TXNDC9: variants seen among roughly 807,000 people sequenced by gnomAD.
The protein encoded by TXNDC9 is thioredoxin domain-containing protein 9.
In TXNDC9, 7 loss-of-function variants were observed where a neutral mutation model predicts 23.0. That is an observed-to-expected ratio of 0.30 (90% confidence interval 0.17 to 0.57). The LOEUF is 0.57. Among genes scored for constraint, TXNDC9 ranks in the 20% least tolerant of loss-of-function variants. The pLI is 0.90. For synonymous variants in TXNDC9, 72 were observed against 90.6 expected, an observed-to-expected ratio of 0.79 and a Z score of 1.17; for missense variants, 198 against 252.6, an observed-to-expected ratio of 0.78 and a Z score of 1.47.
chr2:99,311,297 C>CT, the TXNDC9 span, among the ~76,000 whole-genome samples: 14 of 151,174 alleles, frequency 9.3e-5, no homozygotes, highest in Non-Finnish European at 2.1e-4. Flanking sequence ...CCCCTGCCTC[C>CT]TTTTTTTTGA....
chr2:99,332,709 G>A lies in TXNDC9; in HGVS notation c.189+313C>T, dbSNP rs556030142. On this transcript the variant is annotated intron_variant, in intron 2 of 4. Coordinates refer to ENST00000264255, the MANE Select transcript of TXNDC9 (RefSeq NM_005783.4). ...CGTTTGCTTTGAAAATAGCTAAATC[G>A]GCTTTAATATTACCTGAAATGGAAA... The A allele has an allele frequency of 2.5e-5, 6 of 243,566 alleles. No individual in the cohort carries two copies. The South Asian group carries it at 5.3e-4, about 22-fold the overall frequency. The allele number at this position is 243,566 out of a possible 1,614,324, so 15.1% of individuals were successfully genotyped here. A position where few individuals can be genotyped will look rare whatever the true frequency, so the allele number is the denominator to read the frequency against.
chr2:99,319,851 T>A, intron 4 of TXNDC9, 52 bp from the exon 5 acceptor site: 1 of 1,063,552 alleles, frequency 9.4e-7, no homozygotes, highest in South Asian at 1.5e-5. Flanking sequence ...ACTAGTATAC[T>A]AAACTGCACA....
rs537118889 is a variant in TXNDC9 at position 99,323,225 on chromosome 2, G to A, written c.309-1016C>T. Among the ~76,000 whole-genome samples the A allele has an allele frequency of 5.3e-5, 8 of 151,872 alleles. No individual in the cohort carries two copies. The South Asian group carries it at 1.0e-3, about 20-fold the overall frequency. On this transcript the variant is annotated intron_variant, in intron 3 of 4. Transcript: ENST00000264255. ...AGTTTGAGACCAGCTTAGCCAACAC[G>A]GTGAAACCCTGTCTCTACTAAAAAT...
chr2:99,318,032 A>G (rs1044565298), downstream of TXNDC9, among the ~76,000 whole-genome samples: 6 of 152,150 alleles, frequency 3.9e-5, no homozygotes, highest in African/African-American at 1.4e-4. Flanking sequence ...CTGGAATTAC[A>G]GGCACGTGCC....
At chr2:99,332,963 T>C (rs750222802) in intron 2 of TXNDC9, 59 bp downstream of exon 2, 4 of 1,335,102 alleles carry the variant, frequency 3.0e-6, no homozygotes, top group Non-Finnish European at 3.2e-6. Flanking sequence ...CACATGTATA[T>C]ATAAGTTGTT....
the TXNDC9 span, among the ~76,000 whole-genome samples, chr2:99,307,034 C>T: frequency 2.8e-5 from 3 of 105,702 alleles, no homozygotes; most frequent in Admixed American, 1.1e-4. Flanking sequence ...TTCCTTCTTC[C>T]TTTTCTTTCT....
chr2:99,319,524 C>T lies in TXNDC9; in HGVS notation c.*158G>A. 1.8e-6 allele frequency: 1 copy of T among 540,956 alleles called. No homozygotes were observed. The highest frequency in any genetic ancestry group is 3.2e-6 in the Non-Finnish European group (1 of 311,228). The allele number at this position is 540,956 out of a possible 1,614,324, so 33.5% of individuals were successfully genotyped here. ...CCTCAACTTAAACATGATGGCCACA[C>T]AGAAAACAGTAAAGACACTTTTCGA... On this transcript the variant is annotated 3_prime_UTR_variant, in exon 5 of 5. Coordinates refer to ENST00000264255, the MANE Select transcript of TXNDC9 (RefSeq NM_005783.4).
At position 99,321,986 on chromosome 2, in the gene TXNDC9, T is replaced by A; in HGVS notation, c.532A>T (p.Arg178Trp). ...DDFTTETLEW[R>W]LGSSDILNYS... is the part of the protein sequence containing the mutation. ...TTAAGAATGTCAGAAGAACCGAGCC[T>A]CCATTCTAAAGTTTCTGTGGTGAAG... is the stretch of plus-strand genomic sequence containing the variant. Residue 178 changes from arginine to tryptophan, a missense_variant, in exon 4 of 5, where the codon AGG becomes TGG. Arg to Trp is a moderately radical substitution (Grantham distance 101). Coordinates refer to ENST00000264255, the MANE Select transcript of TXNDC9 (RefSeq NM_005783.4). 1 of 1,612,608 alleles carries A rather than the reference T, an allele frequency of 6.2e-7. No individual in the cohort carries two copies. The highest frequency in any genetic ancestry group is 8.5e-7 in the Non-Finnish European group (1 of 1,179,360).
At chr2:99,320,220 C>A (rs1008399971) in intron 4 of TXNDC9, among the ~76,000 whole-genome samples, 2 of 152,306 alleles carry the variant, frequency 1.3e-5, no homozygotes, top group Middle Eastern at 6.8e-3. Flanking sequence ...ATTGCCCAGG[C>A]TTGTCTTGAA....
At chr2:99,332,602 C>G (rs1404549426) in intron 2 of TXNDC9, among the ~76,000 whole-genome samples, 1 of 152,128 alleles carries the variant, frequency 6.6e-6, no homozygotes, top group Non-Finnish European at 1.5e-5. Flanking sequence ...GAATATGCCA[C>G]ATAATTATTT....
At chr2:99,312,513 AG>A in the TXNDC9 span, among the ~76,000 whole-genome samples, 1 of 151,718 alleles carries the variant, frequency 6.6e-6, no homozygotes, top group Non-Finnish European at 1.5e-5. Context: ...AAAAAAAAAA[AG>A]AAAGAAAATA....
At chr2:99,308,577 ATGTG>A in the TXNDC9 span, among the ~76,000 whole-genome samples, 1 of 149,912 alleles carries the variant, frequency 6.7e-6, no homozygotes, top group African/African-American at 2.4e-5. Context: ...CTGTACATGC[ATGTG>A]TGTGTGTGTG....
At chr2:99,323,714 C>T (rs774783552) in intron 3 of TXNDC9, among the ~76,000 whole-genome samples, 18 of 152,220 alleles carry the variant, frequency 1.2e-4, no homozygotes, top group African/African-American at 3.9e-4. Flanking sequence ...CCAGGCTAGG[C>T]GACAGAGTAA....
downstream of TXNDC9, among the ~76,000 whole-genome samples, chr2:99,318,743 T>G (rs2094195126): frequency 6.6e-6 from 1 of 152,180 alleles, no homozygotes; most frequent in African/African-American, 2.4e-5. Flanking sequence ...ATTCCTGGGT[T>G]AGAGTTTCTG....
intron 4 of TXNDC9, among the ~76,000 whole-genome samples, 191 bp from the exon 5 acceptor site, chr2:99,319,990 G>C (rs1169715890): frequency 1.3e-5 from 2 of 152,046 alleles, no homozygotes; most frequent in Non-Finnish European, 2.9e-5. Flanking sequence ...GTGTCCTACT[G>C]AATGTTTTAG....
At position 99,319,846 on chromosome 2, in the gene TXNDC9, T is replaced by A. The variant is rs774258293; in HGVS notation, c.564-47A>T. The A allele has an allele frequency of 2.7e-6, 3 of 1,130,168 alleles. No homozygotes were observed. The African/African-American group carries it at 4.8e-5, about 18-fold the overall frequency. 70.0% of individuals were successfully genotyped at this position (1,130,168 alleles called of 1,614,324 possible). A position where few individuals can be genotyped will look rare whatever the true frequency, so the allele number is the denominator to read the frequency against. On this transcript the variant is annotated intron_variant, in intron 4 of 4. Transcript: ENST00000264255. ...TTTATTCTTTATGATTTAGTACTAGTATACTAAACTGCACAAAAATCTATC... is the reference window on the plus strand; with the variant it reads ...TTTATTCTTTATGATTTAGTACTAGAATACTAAACTGCACAAAAATCTATC...
At chr2:99,316,742 G>A (rs1461657298), downstream of TXNDC9, among the ~76,000 whole-genome samples, 3 of 151,510 alleles carry the variant, frequency 2.0e-5, no homozygotes, top group African/African-American at 4.9e-5. Context: ...TTTCTATTTG[G>A]CCCTTTTATT....
intron 1 of TXNDC9, among the ~76,000 whole-genome samples, chr2:99,334,160 G>A (rs1263024756): frequency 6.6e-6 from 1 of 152,140 alleles, no homozygotes; most frequent in East Asian, 1.9e-4. Flanking sequence ...AGACCAGCCT[G>A]GGAAACATGA....
rs148978790 is a variant in TXNDC9 at position 99,324,446 on chromosome 2, G to C, written c.309-2237C>G. ...AGTAACGAGATTTCAGTGAAAAATG[G>C]TAAGAGAGAACAAATTAATAAATGG... On this transcript the variant is annotated intron_variant, in intron 3 of 4. Coordinates refer to ENST00000264255, the MANE Select transcript of TXNDC9 (RefSeq NM_005783.4). Among the ~76,000 whole-genome samples, 10 of 152,240 alleles carry C rather than the reference G, an allele frequency of 6.6e-5. No individual in the cohort carries two copies. In the East Asian group the frequency reaches 1.9e-3, roughly 29 times the overall value.
Sources: allele counts gnomAD v4.1 joint callset (sites outside exome capture counted in the v4.1 genomes callset), GRCh38; gene constraint gnomAD v4.1.1; transcripts MANE v1.5; gene names NCBI Gene and HGNC (gene_info 2026-07-23, HGNC 2026-07-21).